Variants in DYNLT2 observed in about 807,000 individuals in gnomAD.
DYNLT2 encodes the protein dynein light chain Tctex-type protein 2.
A neutral mutation model predicts 24.3 loss-of-function variants in DYNLT2; 24 were observed. The observed-to-expected ratio is 0.99, with a 90% CI of 0.71 to 1.39. The LOEUF (loss-of-function observed/expected upper bound fraction) is 1.39. DYNLT2 is among the 40% of genes most tolerant of loss of function. The pLI is 0.00. For missense variants in DYNLT2, 246 were observed against 234.5 expected, an observed-to-expected ratio of 1.05 and a Z score of -0.32; for synonymous variants, 85 against 85.4, an observed-to-expected ratio of 1.00 and a Z score of 0.03.
At chr6:169,732,519 T>C in the DYNLT2 span, among the ~76,000 whole-genome samples, 7 of 152,158 alleles carry the variant, frequency 4.6e-5, no homozygotes, top group African/African-American at 1.7e-4. Flanking sequence ...AACTCCCACT[T>C]ATGAGTGAGA....
chr6:169,741,854 A>G (rs1789685806), intron 3 of DYNLT2, among the ~76,000 whole-genome samples: 1 of 152,088 alleles, frequency 6.6e-6, no homozygotes, highest in Non-Finnish European at 1.5e-5. Context: ...CTTATCATCT[A>G]CAACGTCCCT....
the DYNLT2 span, among the ~76,000 whole-genome samples, chr6:169,727,486 C>T: frequency 1.3e-5 from 2 of 152,102 alleles, no homozygotes; most frequent in African/African-American, 2.4e-5. Flanking sequence ...AAGCAGAATC[C>T]ACCCAATTTA....
chr6:169,751,240 G>C, intron 1 of DYNLT2, 99 bp downstream of exon 1: 1 of 1,503,460 alleles, frequency 6.7e-7, no homozygotes, highest in Non-Finnish European at 8.9e-7. Flanking sequence ...TGCCTCCTTG[G>C]CTCTGGGGGT....
At chr6:169,751,286 A>T in intron 1 of DYNLT2, 53 bp downstream of exon 1, 1 of 1,576,940 alleles carries the variant, frequency 6.3e-7, no homozygotes, top group Non-Finnish European at 8.6e-7. Flanking sequence ...GAGCGATTTC[A>T]CTTAAACGGT....
intron 3 of DYNLT2, among the ~76,000 whole-genome samples, chr6:169,741,229 C>G (rs1789672171): frequency 6.6e-6 from 1 of 152,140 alleles, no homozygotes. Context: ...TGTGAAACTT[C>G]CAAGCAAGGC....
the DYNLT2 span, among the ~76,000 whole-genome samples, chr6:169,726,312 TAAA>T: frequency 6.8e-6 from 1 of 146,122 alleles, no homozygotes; most frequent in Non-Finnish European, 1.5e-5. Flanking sequence ...AACTAGCAAC[TAAA>T]AAAAAAAATG....
chr6:169,734,878 T>C, the DYNLT2 span, among the ~76,000 whole-genome samples: 48 of 152,334 alleles, frequency 3.2e-4, no homozygotes, highest in South Asian at 9.3e-3. Context: ...AGCTCCTCTT[T>C]GTATTTCTGG....
downstream of DYNLT2, among the ~76,000 whole-genome samples, chr6:169,737,699 C>A (rs1789590289): frequency 6.6e-6 from 1 of 152,106 alleles, no homozygotes; most frequent in African/African-American, 2.4e-5. Context: ...TTTCTGGGAC[C>A]TCTGACCTTG....
At chr6:169,738,983 T>C (rs1163045625), downstream of DYNLT2, 1 of 151,960 alleles carries the variant, frequency 6.6e-6, no homozygotes, top group African/African-American at 2.4e-5. Context: ...TTATAAAACC[T>C]AAGTGGAAAA....
chr6:169,728,140 A>C, the DYNLT2 span, among the ~76,000 whole-genome samples: 1 of 152,214 alleles, frequency 6.6e-6, no homozygotes, highest in Non-Finnish European at 1.5e-5. Flanking sequence ...AATGGGGTTC[A>C]TTCAGGAAGG....
At chr6:169,735,943 A>G (rs1476424744), downstream of DYNLT2, among the ~76,000 whole-genome samples, 1 of 152,150 alleles carries the variant, frequency 6.6e-6, no homozygotes, top group Admixed American at 6.5e-5. Flanking sequence ...GTCTCTAAGC[A>G]TATGTTTTAT....
chr6:169,738,171 G>A (rs74811601), downstream of DYNLT2, among the ~76,000 whole-genome samples: 4,703 of 152,302 alleles, frequency 0.031, 131 homozygotes, highest in South Asian at 0.15. Context: ...GGGGAAAAGC[G>A]CAGCCTGGAA....
At chr6:169,732,594 T>G in the DYNLT2 span, among the ~76,000 whole-genome samples, 1 of 152,228 alleles carries the variant, frequency 6.6e-6, no homozygotes, top group African/African-American at 2.4e-5. Context: ...TTCATCCATG[T>G]CCCTGCAAAG....
chr6:169,741,347 G>C (rs1055434824), intron 3 of DYNLT2, among the ~76,000 whole-genome samples: 2 of 152,182 alleles, frequency 1.3e-5, no homozygotes, highest in African/African-American at 4.8e-5. Flanking sequence ...CTCACATGCA[G>C]GAGAACCCAG....
chr6:169,741,566 T>C (rs1789680366), intron 3 of DYNLT2, among the ~76,000 whole-genome samples: 1 of 152,198 alleles, frequency 6.6e-6, no homozygotes, highest in Non-Finnish European at 1.5e-5. Flanking sequence ...TGGTTTGTTA[T>C]ACAATAATAT....
At chr6:169,725,140 A>G in the DYNLT2 span, 1 of 398,594 alleles carries the variant, frequency 2.5e-6, no homozygotes, top group East Asian at 3.6e-5. Flanking sequence ...GGGCACTTGT[A>G]GGACCGCACT....
chr6:169,736,101 C>A (rs1035548407), downstream of DYNLT2, among the ~76,000 whole-genome samples: 2 of 151,254 alleles, frequency 1.3e-5, no homozygotes, highest in Admixed American at 1.3e-4. Flanking sequence ...GGATTGCAAC[C>A]CCTGTTTTGT....
chr6:169,740,060 A>G (rs1441520431), downstream of DYNLT2: 1 of 628,362 alleles, frequency 1.6e-6, no homozygotes, highest in Non-Finnish European at 2.7e-6. Context: ...AAATAATACA[A>G]TTGAAAGGCC....
In DYNLT2 at chr6:169,751,439, C is replaced by T; in HGVS notation, c.20G>A (p.Gly7Asp). 6.2e-7 allele frequency: 1 copy of T among 1,614,066 alleles called. No homozygotes were observed. The change falls in exon 1 of 4, where the codon GGC becomes GAC. Residue 7 changes from glycine to aspartate, a missense_variant. Coordinates refer to ENST00000366774, the MANE Select transcript of DYNLT2 (RefSeq NM_174910.3). ...GGTCTGGATGGGGCTCGACTTCACG[C>T]CTCGGCCTCGCTTCTCCATCTCGCT... MEKRGR[G>D]VKSSPIQTPN...
Sources: gnomAD v4.1 joint callset for allele counts (sites outside exome capture counted in the v4.1 genomes callset) on GRCh38, gnomAD v4.1.1 for gene constraint, MANE v1.5 for transcripts, NCBI Gene and HGNC (gene_info 2026-07-23, HGNC 2026-07-21) for gene names.